TPO: variants seen among roughly 807,000 people sequenced by gnomAD.
TPO encodes the protein thyroid peroxidase.
Under a neutral mutation model 96.9 loss-of-function variants are expected in TPO, and 78 were observed. The ratio of observed to expected loss-of-function variants is 0.81; its 90% CI spans 0.67 to 0.97. The LOEUF is 0.97. TPO is among the 50% of genes least tolerant of loss of function. The probability of loss-of-function intolerance (pLI) is 0.00; values close to 1 mark genes in which losing one functional copy is unlikely to be tolerated. For missense variants in TPO, 1,252 were observed against 1,274.8 expected, an observed-to-expected ratio of 0.98 and a Z score of 0.27; for synonymous variants, 547 against 538.0, an observed-to-expected ratio of 1.02 and a Z score of -0.23.
At chr2:1,413,817 A>C in intron 1 of TPO, 1 of 879,430 alleles carries the variant, frequency 1.1e-6, no homozygotes, top group Non-Finnish European at 1.4e-6. Context: ...TAACAAAATT[A>C]GTGGCTCAAA....
chr2:1,436,589 C>A (rs2070877), intron 5 of TPO, among the ~76,000 whole-genome samples: 2,935 of 152,280 alleles, frequency 0.019, 83 homozygotes, highest in East Asian at 0.12. Flanking sequence ...TCATTCCCAG[C>A]CACAACGTCC....
chr2:1,521,264 G>A (rs1329330221), intron 15 of TPO, among the ~76,000 whole-genome samples: 5 of 152,200 alleles, frequency 3.3e-5, no homozygotes, highest in Admixed American at 1.3e-4. Flanking sequence ...CTAACCCTTT[G>A]TTCCCTCCTG....
Position 1,477,492 on chromosome 2 carries a change from T to C in TPO, c.1226T>C (p.Leu409Pro). The change falls in exon 8 of 17, where the codon CTG (leucine) becomes CCG (proline). Residue 409 changes from leucine to proline, a missense_variant. Physicochemically the swap from Leu to Pro is moderately conservative, Grantham distance 98. Coordinates refer to ENST00000329066, the MANE Select transcript of TPO (RefSeq NM_001206744.2). ...EVPSLTALHT[L>P]WLREHNRLAA... ...CCCTCCCTGACGGCACTGCACACGC[T>C]GTGGCTGCGCGAGCACAACCGCCTG... 2 of 1,531,406 alleles carry C rather than the reference T, an allele frequency of 1.3e-6. No homozygotes were observed. Among genetic ancestry groups the C allele is most frequent in the African/African-American group, 1.4e-5 (1 of 72,058 alleles). The allele number at this position is 1,531,406 out of a possible 1,614,324, so 94.9% of individuals were successfully genotyped here.
intron 5 of TPO, among the ~76,000 whole-genome samples, chr2:1,452,356 G>T (rs1263333809): frequency 6.6e-6 from 1 of 152,144 alleles, no homozygotes; most frequent in East Asian, 1.9e-4. Flanking sequence ...TGGGCCAAGG[G>T]GCCATGCACC....
chr2:1,540,444 G>A (rs1293969226), intron 15 of TPO, 150 bp from the exon 16 acceptor site: 4 of 1,561,770 alleles, frequency 2.6e-6, no homozygotes, highest in African/African-American at 2.7e-5. Context: ...GATTATGATC[G>A]ACTTGACTGA....
chr2:1,517,304 A>G (rs1473676279), intron 15 of TPO, among the ~76,000 whole-genome samples: 1 of 152,204 alleles, frequency 6.6e-6, no homozygotes, highest in African/African-American at 2.4e-5. Flanking sequence ...AAAGATTCTT[A>G]CAAAGGTTTC....
intron 15 of TPO, among the ~76,000 whole-genome samples, chr2:1,525,076 C>G (rs1478355879): frequency 8.6e-6 from 1 of 115,620 alleles, no homozygotes; most frequent in Non-Finnish European, 1.8e-5. Context: ...TGCAACCCCC[C>G]CAAATCCCCC....
chr2:1,540,904 G>A, intron 16 of TPO, 181 bp downstream of exon 16: 4 of 1,544,686 alleles, frequency 2.6e-6, no homozygotes, highest in Non-Finnish European at 3.5e-6. Flanking sequence ...GCCAGAATGT[G>A]AGCCTGCTTA....
At chr2:1,392,321 T>G (rs1662013916) in intron 1 of TPO, among the ~76,000 whole-genome samples, 1 of 152,212 alleles carries the variant, frequency 6.6e-6, no homozygotes, top group Non-Finnish European at 1.5e-5. Context: ...GATTTGCATA[T>G]GTTGAACGAG....
chr2:1,459,146 G>A (rs1369091676), intron 7 of TPO, among the ~76,000 whole-genome samples: 2 of 146,544 alleles, frequency 1.4e-5, no homozygotes, highest in Non-Finnish European at 3.0e-5. Context: ...AAGTTAACAA[G>A]GGACATTTTC....
At chr2:1,495,875 G>A (rs1467716659) in intron 11 of TPO, 114 bp from the exon 12 acceptor site, 3 of 1,235,344 alleles carry the variant, frequency 2.4e-6, no homozygotes, top group African/African-American at 1.5e-5. Context: ...TGGGGGTCTG[G>A]GCAGACGCCG....
chr2:1,519,264 G>C (rs143665864), intron 15 of TPO, among the ~76,000 whole-genome samples: 117 of 152,356 alleles, frequency 7.7e-4, no homozygotes, highest in Middle Eastern at 6.8e-3. Context: ...TCCATTTTCA[G>C]TGTAGCATGT....
intron 14 of TPO, among the ~76,000 whole-genome samples, chr2:1,512,056 C>G (rs375209125): frequency 1.3e-5 from 2 of 150,902 alleles, no homozygotes; most frequent in Non-Finnish European, 2.9e-5. Flanking sequence ...TTTTTTGAGA[C>G]GGAGTCTCGC....
At chr2:1,422,297 G>T (rs1199777907) in intron 2 of TPO, among the ~76,000 whole-genome samples, 2 of 62,932 alleles carry the variant, frequency 3.2e-5, no homozygotes, top group Non-Finnish European at 6.9e-5. Context: ...TGAAGACCCC[G>T]CAGGCGCCTC....
intron 3 of TPO, among the ~76,000 whole-genome samples, chr2:1,428,673 T>A (rs576053010): frequency 1.6e-4 from 24 of 152,308 alleles, no homozygotes; most frequent in African/African-American, 5.3e-4. Flanking sequence ...GCAGAGAAAG[T>A]GGATTTCATC....
intron 7 of TPO, among the ~76,000 whole-genome samples, chr2:1,461,255 G>A (rs1668405887): frequency 6.6e-6 from 1 of 152,146 alleles, no homozygotes; most frequent in African/African-American, 2.4e-5. Context: ...CGCCCCCAGA[G>A]GCTCCTTCCT....
At chr2:1,453,661 A>G (rs1667518102) in intron 5 of TPO, 33 bp from the exon 6 acceptor site, 3 of 1,613,614 alleles carry the variant, frequency 1.9e-6, no homozygotes, top group Non-Finnish European at 2.5e-6. Context: ...CTTCTCCCCC[A>G]TCTCAAACAC....
intron 1 of TPO, among the ~76,000 whole-genome samples, chr2:1,388,126 G>A (rs1029204709): frequency 6.6e-6 from 1 of 152,178 alleles, no homozygotes; most frequent in African/African-American, 2.4e-5. Flanking sequence ...CCCTACTCGG[G>A]GGTGCCTCCC....
chr2:1,418,179 C>T (rs113877850), intron 2 of TPO, among the ~76,000 whole-genome samples: 2,942 of 151,696 alleles, frequency 0.019, 98 homozygotes, highest in African/African-American at 0.068. Context: ...CCCAGCTACT[C>T]GGGAGGCTGA....
Sources: gnomAD v4.1 joint callset for allele counts (sites outside exome capture counted in the v4.1 genomes callset) on GRCh38, gnomAD v4.1.1 for gene constraint, MANE v1.5 for transcripts, NCBI Gene and HGNC (gene_info 2026-07-23, HGNC 2026-07-21) for gene names.